Variants in XKR9 observed in about 807,000 individuals in gnomAD.
XKR9 encodes the protein XK-related protein 9.
Under a neutral mutation model 32.0 loss-of-function variants are expected in XKR9, and 32 were observed. The ratio of observed to expected loss-of-function variants is 1.00; its 90% CI spans 0.76 to 1.34. XKR9 has a LOEUF of 1.34. Ranked by LOEUF, XKR9 falls within the 40% of genes most tolerant of loss-of-function variation. The probability of loss-of-function intolerance (pLI) is 0.00; values close to 1 mark genes in which losing one functional copy is unlikely to be tolerated. For synonymous variants in XKR9, 168 were observed against 143.4 expected, an observed-to-expected ratio of 1.17 and a Z score of -1.22; for missense variants, 546 against 429.7, an observed-to-expected ratio of 1.27 and a Z score of -2.39.
chr8:70,820,330 G>A, the XKR9 span, among the ~76,000 whole-genome samples: 1 of 152,150 alleles, frequency 6.6e-6, no homozygotes. Context: ...AATACCTGAA[G>A]ATAGGTAATT....
the XKR9 span, among the ~76,000 whole-genome samples, chr8:70,896,266 G>A: frequency 1.3e-5 from 2 of 152,152 alleles, no homozygotes; most frequent in African/African-American, 4.8e-5. Flanking sequence ...TTCTAGAAGA[G>A]ATAGTGTAGA....
At chr8:71,032,343 A>G in the XKR9 span, among the ~76,000 whole-genome samples, 136 of 151,828 alleles carry the variant, frequency 9.0e-4, no homozygotes, top group Middle Eastern at 3.4e-3. Context: ...TAAGATGCTA[A>G]ATTTTGCTTT....
chr8:70,914,507 T>G, the XKR9 span, among the ~76,000 whole-genome samples: 2 of 152,160 alleles, frequency 1.3e-5, no homozygotes, highest in African/African-American at 4.8e-5. Context: ...TTATTGGCCA[T>G]TTGGATATCC....
the XKR9 span, among the ~76,000 whole-genome samples, chr8:70,951,365 G>T: frequency 6.6e-6 from 1 of 152,236 alleles, no homozygotes; most frequent in Non-Finnish European, 1.5e-5. Flanking sequence ...TGCCAAGGTT[G>T]TGGGGTGGGG....
chr8:70,814,851 G>C, the XKR9 span, among the ~76,000 whole-genome samples: 3 of 152,148 alleles, frequency 2.0e-5, no homozygotes, highest in African/African-American at 7.2e-5. Flanking sequence ...GAAAACCCTA[G>C]AGAGTCCACA....
chr8:70,677,925 T>TC (rs1818936310), intron 2 of XKR9: 1 of 152,236 alleles, frequency 6.6e-6, no homozygotes, highest in South Asian at 2.1e-4. Flanking sequence ...AAATTATATT[T>TC]TTAAGAATGA....
At chr8:70,708,498 A>G (rs1356763930) in intron 4 of XKR9, among the ~76,000 whole-genome samples, 1 of 152,138 alleles carries the variant, frequency 6.6e-6, no homozygotes, top group African/African-American at 2.4e-5. Flanking sequence ...GTTAGTATGG[A>G]ACATTATGTA....
At chr8:71,029,137 A>T in the XKR9 span, among the ~76,000 whole-genome samples, 5 of 152,138 alleles carry the variant, frequency 3.3e-5, no homozygotes, top group Admixed American at 2.0e-4. Flanking sequence ...AGCTACCTTG[A>T]GATGTGGTCT....
intron 4 of XKR9, among the ~76,000 whole-genome samples, chr8:70,723,195 C>T (rs897726989): frequency 6.6e-6 from 1 of 152,080 alleles, no homozygotes; most frequent in Non-Finnish European, 1.5e-5. Flanking sequence ...TTAGCAGTTC[C>T]TGTAATCTGT....
intron 4 of XKR9, among the ~76,000 whole-genome samples, chr8:70,724,118 C>T (rs572399425): frequency 2.0e-4 from 31 of 151,972 alleles, no homozygotes; most frequent in African/African-American, 6.7e-4. Context: ...ACTCTGGCCA[C>T]AGCCATTTTG....
chr8:71,003,591 T>G, the XKR9 span, among the ~76,000 whole-genome samples: 1 of 152,190 alleles, frequency 6.6e-6, no homozygotes, highest in African/African-American at 2.4e-5. Flanking sequence ...CTATTTTCTG[T>G]GTTGTGCTTT....
At chr8:70,813,369 A>T in the XKR9 span, among the ~76,000 whole-genome samples, 1 of 152,238 alleles carries the variant, frequency 6.6e-6, no homozygotes, top group African/African-American at 2.4e-5. Flanking sequence ...ACCATTCAGG[A>T]CATAGGCATG....
At chr8:70,982,273 G>A in the XKR9 span, among the ~76,000 whole-genome samples, 2 of 152,270 alleles carry the variant, frequency 1.3e-5, no homozygotes, top group South Asian at 2.1e-4. Flanking sequence ...CTTTGTCTTC[G>A]GCTGCCAGCG....
chr8:70,694,498 G>C (rs1353645352), intron 3 of XKR9, among the ~76,000 whole-genome samples: 1 of 152,182 alleles, frequency 6.6e-6, no homozygotes, highest in Non-Finnish European at 1.5e-5. Context: ...AAAAGAATGG[G>C]ATCAGGTACC....
Position 70,733,851 on chromosome 8 carries a change from A to G in XKR9, c.549A>G (p.Gln183=), listed in dbSNP as rs138399526. 1 of 1,605,914 alleles carries G rather than the reference A, an allele frequency of 6.2e-7. No individual in the cohort carries two copies. The highest frequency in any genetic ancestry group is 1.3e-5 in the African/African-American group (1 of 74,632). Residue 183 remains glutamine (Q), a synonymous_variant, in exon 5 of 5, where the codon CAA becomes CAG. Transcript: ENST00000408926. ...CAISWSTVDY[Q]VALRKSLPDK... is the part of the protein sequence containing the mutation. ...TTTCTTGGTCAACTGTTGATTATCA[A>G]GTAGCTTTAAGAAAATCCTTGCCTG...
chr8:70,856,157 G>C, the XKR9 span, among the ~76,000 whole-genome samples: 1 of 152,158 alleles, frequency 6.6e-6, no homozygotes, highest in Non-Finnish European at 1.5e-5. Flanking sequence ...TGGGCGAAAT[G>C]CTCCAATTAA....
At chr8:70,801,947 T>A in the XKR9 span, among the ~76,000 whole-genome samples, 1 of 151,536 alleles carries the variant, frequency 6.6e-6, no homozygotes, top group Non-Finnish European at 1.5e-5. Context: ...TCTTTTTTTT[T>A]TTTTTGAGAT....
At chr8:70,880,191 G>A in the XKR9 span, among the ~76,000 whole-genome samples, 5 of 152,150 alleles carry the variant, frequency 3.3e-5, no homozygotes, top group Admixed American at 2.6e-4. Context: ...AAAACTGGAA[G>A]CATTCCCTTT....
chr8:70,812,541 C>A, the XKR9 span, among the ~76,000 whole-genome samples: 1 of 152,154 alleles, frequency 6.6e-6, no homozygotes, highest in Non-Finnish European at 1.5e-5. Context: ...ATCTAGAAAA[C>A]CCCATCGTCT....
Sources: allele counts gnomAD v4.1 joint callset (sites outside exome capture counted in the v4.1 genomes callset), GRCh38; gene constraint gnomAD v4.1.1; transcripts MANE v1.5; gene names NCBI Gene and HGNC (gene_info 2026-07-23, HGNC 2026-07-21).